Variants in FLOT1 observed in about 807,000 individuals in gnomAD.
FLOT1 encodes flotillin 1, also known as flotillin-1.
FLOT1 carries 40 observed loss-of-function variants against 58.4 expected under a neutral mutation model. That is an observed-to-expected ratio of 0.69 (90% CI 0.53 to 0.89). The LOEUF is 0.89. Ranked by LOEUF, FLOT1 falls within the 40% of genes least tolerant of loss-of-function variation. The pLI is 0.00. For synonymous variants in FLOT1, 178 were observed against 204.2 expected (o/e 0.87, Z 1.09); for missense variants, 423 against 540.8 (o/e 0.78, Z 2.16).
chr6:30,738,675 G>A (rs1054450465), intron 8 of FLOT1, among the ~76,000 whole-genome samples: 1 of 152,180 alleles, frequency 6.6e-6, no homozygotes, highest in African/African-American at 2.4e-5. Context: ...GCTAACAGCA[G>A]TATAACTTAT....
At chr6:30,739,305 C>T (rs777373194) in intron 8 of FLOT1, among the ~76,000 whole-genome samples, 18 of 152,088 alleles carry the variant, frequency 1.2e-4, no homozygotes, top group Admixed American at 4.6e-4. Context: ...TGCCTTTGCA[C>T]GGGCACAGCC....
intron 8 of FLOT1, among the ~76,000 whole-genome samples, chr6:30,734,615 CT>C (rs1283894133): frequency 6.6e-6 from 1 of 152,046 alleles, no homozygotes; most frequent in Non-Finnish European, 1.5e-5. Flanking sequence ...CCCTGCTTGA[CT>C]CTTATTAGTC....
At chr6:30,735,989 G>A (rs1777536322) in intron 8 of FLOT1, among the ~76,000 whole-genome samples, 1 of 151,320 alleles carries the variant, frequency 6.6e-6, no homozygotes, top group Non-Finnish European at 1.5e-5. Context: ...GGTGGCTCAC[G>A]CCTGTAATCC....
chr6:30,731,214 G>T, intron 8 of FLOT1, 114 bp from the exon 9 acceptor site: 2 of 1,079,526 alleles, frequency 1.9e-6, no homozygotes, highest in Non-Finnish European at 2.6e-6. Context: ...GCCGGGCGCG[G>T]TGGCTCACGC....
Position 30,730,421 on chromosome 6 carries a change from T to A in FLOT1, c.1089+7A>T, listed in dbSNP as rs901671045. The A allele has an allele frequency of 1.3e-6, 2 of 1,561,204 alleles. No individual in the cohort carries two copies. Among genetic ancestry groups the A allele is most frequent in the African/African-American group, 1.4e-5 (1 of 73,284 alleles). ...CTCCTTTCTTGGTGCCCACATGACC[T>A]CCAGACCTGGGGCAGCTTCTCTAGC... is the stretch of plus-strand genomic sequence containing the variant. On this transcript the variant is annotated splice_region_variant and intron_variant, in intron 11 of 12. Transcript: ENST00000376389.
chr6:30,741,295 G>A lies in FLOT1; in HGVS notation c.249C>T (p.Ala83=), dbSNP rs145255398. 4.3e-5 allele frequency: 70 copies of A among 1,612,950 alleles called. No individual in the cohort carries two copies. Among genetic ancestry groups the A allele is most frequent in the African/African-American group, 3.2e-4 (24 of 74,936 alleles). Residue 83 remains alanine, a synonymous_variant, in exon 5 of 13, where the codon GCC becomes GCT. Coordinates refer to ENST00000376389, the MANE Select transcript of FLOT1 (RefSeq NM_005803.4). This position sits in a 1 kb window ranked among gnomAD's most constrained non-coding sequence, Gnocchi z 5.9. ...IQGQNKEMLA[A]ACQMFLGKTE... ...TCTTCCCCAGGAACATCTGACAGGC[G>A]GCCGCCAACATCTCCTTGTTCTGCC...
chr6:30,741,825 A>T lies in FLOT1; in HGVS notation c.86T>A (p.Val29Asp). ...CTGTTGGATGCAGGGCAGGACAAAGACACGCCCTCCAGCCACCATGACTGG... is the reference window on the plus strand; with the variant it reads ...CTGTTGGATGCAGGGCAGGACAAAGTCACGCCCTCCAGCCACCATGACTGG... ...SPPVMVAGGR[V>D]FVLPCIQQIQ... Residue 29 changes from valine to aspartate, a missense_variant, in exon 3 of 13, where the codon GTC becomes GAC. Around this residue, in one of 6 missense-constraint regions of FLOT1, gnomAD observed 91 missense variants for 118.3 expected, o/e 0.77. Transcript: ENST00000376389. This position sits in a 1 kb window ranked among gnomAD's most constrained non-coding sequence, Gnocchi z 5.9. 1 of 1,612,962 alleles carries T rather than the reference A, an allele frequency of 6.2e-7. No individual in the cohort carries two copies. The highest frequency in any genetic ancestry group is 8.5e-7 in the Non-Finnish European group (1 of 1,180,014).
intron 9 of FLOT1, 34 bp downstream of exon 9, chr6:30,730,885 G>A (rs1217775070): frequency 8.1e-6 from 13 of 1,603,708 alleles, no homozygotes; most frequent in Non-Finnish European, 1.1e-5. Flanking sequence ...TAGGTGGCAA[G>A]TGAGCTAGGC....
Position 30,730,725 on chromosome 6 carries a change from G to A in FLOT1, c.908C>T (p.Ser303Phe). Residue 303 changes from serine to phenylalanine, a missense_variant and splice_region_variant, in exon 10 of 13, where the codon TCC becomes TTC. Transcript: ENST00000376389. ...TGCCTCCGCCTGCATAATTAGTTGG[G>A]ACCTGTGGACAGAAGGGAAGTGGAG... The part of the protein sequence containing the change: ...KLERLAEAEK[S>F]QLIMQAEAEA... 6.2e-7 allele frequency: 1 copy of A among 1,613,216 alleles called. No individual in the cohort carries two copies. The highest frequency in any genetic ancestry group is 2.2e-5 in the East Asian group (1 of 44,892).
chr6:30,741,344 A>C lies in FLOT1; in HGVS notation c.211-11T>G. 1 of 1,613,046 alleles carries C rather than the reference A, an allele frequency of 6.2e-7. No homozygotes were observed. The highest frequency in any genetic ancestry group is 8.5e-7 in the Non-Finnish European group (1 of 1,180,024). On this transcript the variant is annotated splice_polypyrimidine_tract_variant and intron_variant, in intron 4 of 12. Transcript: ENST00000376389. The surrounding 1 kb of genome is among the most constrained non-coding windows in gnomAD (Gnocchi z 5.9). ...CCCCTGGATTTTTACCTGTAGCCAG[A>C]GTAGGGGTAGGAAAGGTGTGGTGGG...
chr6:30,740,834 GTTTTTTT>G lies in FLOT1; in HGVS notation c.355-43_355-37del, dbSNP rs34375360. 469 of 1,314,236 alleles carry G rather than the reference GTTTTTTT, an allele frequency of 3.6e-4. No homozygotes were observed. In the South Asian group the frequency reaches 5.9e-3, roughly 16 times the overall value. The allele number at this position is 1,314,236 out of a possible 1,614,324, so 81.4% of individuals were successfully genotyped here. On this transcript the variant is annotated intron_variant, in intron 5 of 12. Coordinates refer to ENST00000376389, the MANE Select transcript of FLOT1 (RefSeq NM_005803.4). ...AGGATGGTGGGGAGAAGGGATGTAA[GTTTTTTT>G]TTTTTTTTTTTTTTTGCTCACTGCA...
Position 30,737,528 on chromosome 6 carries a change from G to A in FLOT1, c.723+2630C>T, listed in dbSNP as rs1777686598. On this transcript the variant is annotated intron_variant, in intron 8 of 12. Transcript: ENST00000376389. The surrounding 1 kb of genome is among the most constrained non-coding windows in gnomAD (Gnocchi z 4.4). ...CTGTCTCAGCCTCTCAAAGTGTTGG[G>A]ATTACAGGCATGAACCACCGCGCCC... Among the ~76,000 whole-genome samples the A allele has an allele frequency of 6.6e-6, 1 of 152,040 alleles. No homozygotes were observed. Among genetic ancestry groups the A allele is most frequent in the South Asian group, 2.1e-4 (1 of 4,824 alleles).
intron 12 of FLOT1, 136 bp from the exon 13 acceptor site, chr6:30,728,281 C>A: frequency 1.4e-6 from 1 of 736,302 alleles, no homozygotes; most frequent in Non-Finnish European, 2.4e-6. Flanking sequence ...TGCCCTACCA[C>A]CTGTTTCCCC....
Position 30,742,194 on chromosome 6 carries a change from C to G in FLOT1, c.-5G>C, listed in dbSNP as rs11549762. ...TGGGCCACAAGTGAAAAACATGGTTCAGGCTGGAGCTGGAGGAGAGGGAGG... is the reference window on the plus strand; with the variant it reads ...TGGGCCACAAGTGAAAAACATGGTTGAGGCTGGAGCTGGAGGAGAGGGAGG... On this transcript the variant is annotated 5_prime_UTR_variant, in exon 2 of 13. Coordinates refer to ENST00000376389, the MANE Select transcript of FLOT1 (RefSeq NM_005803.4). The surrounding 1 kb of genome is among the most constrained non-coding windows in gnomAD (Gnocchi z 5.2). The G allele has an allele frequency of 1.2e-6, 2 of 1,612,846 alleles. No individual in the cohort carries two copies. Among genetic ancestry groups the G allele is most frequent in the African/African-American group, 2.7e-5 (2 of 74,904 alleles).
chr6:30,741,367 G>A lies in FLOT1; in HGVS notation c.211-34C>T. ...AGAGTAGGGGTAGGAAAGGTGTGGT[G>A]GGGGTCTCATGAAGTCAGAGAAAAA... On this transcript the variant is annotated intron_variant, in intron 4 of 12. Transcript: ENST00000376389. The surrounding 1 kb of genome is among the most constrained non-coding windows in gnomAD (Gnocchi z 5.9). 6.2e-7 allele frequency: 1 copy of A among 1,612,450 alleles called. No homozygotes were observed. The highest frequency in any genetic ancestry group is 1.3e-5 in the African/African-American group (1 of 75,054).
At chr6:30,728,555 C>T (rs142096226) in intron 12 of FLOT1, among the ~76,000 whole-genome samples, 4,219 of 151,620 alleles carry the variant, frequency 0.028, 112 homozygotes, top group East Asian at 0.091. Context: ...CTGCAGCCTC[C>T]GCCTCCTGAG....
intron 8 of FLOT1, among the ~76,000 whole-genome samples, chr6:30,734,085 C>A (rs1453706637): frequency 7.1e-6 from 1 of 141,266 alleles, no homozygotes; most frequent in Non-Finnish European, 1.5e-5. Context: ...AATCTGAAGT[C>A]ATTTTGAAGC....
rs781361066 is a variant in FLOT1, at chr6:30,741,689, T to C, written c.135A>G (p.Thr45=). Residue 45 remains threonine (T), a synonymous_variant, in exon 4 of 13, where the codon ACA becomes ACG. Coordinates refer to ENST00000376389, the MANE Select transcript of FLOT1 (RefSeq NM_005803.4). The surrounding 1 kb of genome is among the most constrained non-coding windows in gnomAD (Gnocchi z 5.9). The part of the protein sequence containing the change: ...IQQIQRISLN[T]LTLNVKSEKV... ...TTTCACTCTTGACATTGAGGGTCAG[T>C]GTGTTGAGAGAGATCCTAGGGGAAA... is the stretch of plus-strand genomic sequence containing the variant. 3.7e-6 allele frequency: 6 copies of C among 1,612,600 alleles called. No homozygotes were observed. Among genetic ancestry groups the C allele is most frequent in the Admixed American group, 3.3e-5 (2 of 59,990 alleles).
chr6:30,730,331 C>T, intron 11 of FLOT1, 97 bp downstream of exon 11: 1 of 1,491,880 alleles, frequency 6.7e-7, no homozygotes, highest in East Asian at 2.3e-5. Context: ...AATTTAGAGT[C>T]CCCCTAGGCT....
Sources: gnomAD v4.1 joint callset for allele counts (sites outside exome capture counted in the v4.1 genomes callset) on GRCh38, gnomAD v4.1.1 for gene constraint, gnomAD v4.1.1 regional missense constraint, Gnocchi (gnomAD v3.1) non-coding constraint, MANE v1.5 for transcripts, NCBI Gene and HGNC (gene_info 2026-07-23, HGNC 2026-07-21) for gene names.